ATG16L2: variants seen among roughly 807,000 people sequenced by gnomAD.
ATG16L2 encodes the protein autophagy related 16 like 2, also known as protein Atg16l2.
A neutral mutation model predicts 84.7 loss-of-function variants in ATG16L2; 77 were observed. That is an observed-to-expected ratio of 0.91 (90% CI 0.76 to 1.10). ATG16L2 has a LOEUF of 1.10. Among genes scored for constraint, ATG16L2 ranks in the 50% least tolerant of loss-of-function variants. The pLI is 0.00. For synonymous variants in ATG16L2, 361 were observed against 342.8 expected, an observed-to-expected ratio of 1.05 and a Z score of -0.59; for missense variants, 782 against 817.6, an observed-to-expected ratio of 0.96 and a Z score of 0.53.
intron 5 of ATG16L2, chr11:72,842,515 G>A (rs1438155967): frequency 2.9e-6 from 4 of 1,358,116 alleles, no homozygotes; most frequent in South Asian, 2.8e-5. Flanking sequence ...AAGGACCGGT[G>A]AGGGTAAGGC....
At position 72,825,408 on chromosome 11, in the gene ATG16L2, G is replaced by C. The variant is rs1274147685; in HGVS notation, c.1102+1G>C. ...ATCCACCTCTGGAATGTTGTGGGAAGTAAGGAGCCCTCCCCTGCCGGCCAA... is the reference window on the plus strand; with the variant it reads ...ATCCACCTCTGGAATGTTGTGGGAACTAAGGAGCCCTCCCCTGCCGGCCAA... On this transcript the variant is annotated splice_donor_variant, in intron 10 of 17. Coordinates refer to ENST00000321297, the MANE Select transcript of ATG16L2 (RefSeq NM_033388.2). LOFTEE classifies it high-confidence loss of function. 1.9e-6 allele frequency: 3 copies of C among 1,610,744 alleles called. No individual in the cohort carries two copies. The highest frequency in any genetic ancestry group is 1.3e-5 in the African/African-American group (1 of 74,922).
intron 5 of ATG16L2, chr11:72,841,539 C>A: frequency 6.2e-7 from 1 of 1,611,100 alleles, no homozygotes; most frequent in Non-Finnish European, 8.5e-7. Flanking sequence ...GGTCGTACAA[C>A]GGCAGTGGAG....
At chr11:72,826,297 T>TG in intron 11 of ATG16L2, 54 bp downstream of exon 11, 1 of 1,572,980 alleles carries the variant, frequency 6.4e-7, no homozygotes, top group Non-Finnish European at 8.7e-7. Flanking sequence ...ATCTCCACAC[T>TG]GGGCAGGTGG....
At chr11:72,829,025 C>A (rs1201387121) in intron 17 of ATG16L2, 41 bp downstream of exon 17, 1 of 1,584,044 alleles carries the variant, frequency 6.3e-7, no homozygotes, top group Non-Finnish European at 8.7e-7. Context: ...TGGCCCCAGT[C>A]CTGCCAGGCT....
chr11:72,826,380 C>G, intron 11 of ATG16L2, 137 bp downstream of exon 11: 2 of 1,426,320 alleles, frequency 1.4e-6, no homozygotes, highest in Non-Finnish European at 1.9e-6. Context: ...AGATCCTCCT[C>G]CTTGGGCCGG....
chr11:72,838,591 T>C (rs1860804054), intron 5 of ATG16L2: 2 of 590,464 alleles, frequency 3.4e-6, no homozygotes, highest in African/African-American at 1.9e-5. Context: ...AGAAATGACA[T>C]AGAAAATGAC....
In ATG16L2 at chr11:72,827,298, C is replaced by T; in HGVS notation, c.1472+5C>T. The stretch of plus-strand genomic sequence containing the variant: ...GATCCGGTTCTGGGACAGCAGGTGA[C>T]AGGCGCAGGCTGGGGGAGGACTTGG... On this transcript the variant is annotated splice_donor_5th_base_variant and intron_variant, in intron 14 of 17. Coordinates refer to ENST00000321297, the MANE Select transcript of ATG16L2 (RefSeq NM_033388.2). 1.9e-6 allele frequency: 3 copies of T among 1,610,866 alleles called. No individual in the cohort carries two copies. The highest frequency in any genetic ancestry group is 1.7e-6 in the Non-Finnish European group (2 of 1,177,086).
chr11:72,821,246 G>T, intron 3 of ATG16L2: 3 of 1,007,322 alleles, frequency 3.0e-6, no homozygotes, highest in Non-Finnish European at 3.6e-6. Context: ...TGGAAGGAGC[G>T]TGTAGCCTGC....
At position 72,828,455 on chromosome 11, in the gene ATG16L2, C is replaced by A; in HGVS notation, c.1569C>A (p.Asp523Glu). 6.2e-7 allele frequency: 1 copy of A among 1,614,220 alleles called. No individual in the cohort carries two copies. The highest frequency in any genetic ancestry group is 8.5e-7 in the Non-Finnish European group (1 of 1,180,046). ...DQLHLLSCSR[D>E]NTLKVIDLRV... ...TGCACCTGCTCAGCTGTTCCCGAGA[C>A]AACACACTCAAGGTCATCGACCTGC... is the stretch of plus-strand genomic sequence containing the variant. The change falls in exon 15 of 18, where the codon GAC becomes GAA. Residue 523 changes from aspartate to glutamate, a missense_variant. Asp to Glu is a conservative substitution (Grantham distance 45). Transcript: ENST00000321297.
At chr11:72,831,315 T>C (rs960512456), downstream of ATG16L2, among the ~76,000 whole-genome samples, 2 of 152,228 alleles carry the variant, frequency 1.3e-5, no homozygotes, top group Non-Finnish European at 2.9e-5. Context: ...AAGACCAACC[T>C]GAGCAACATA....
chr11:72,817,619 A>T, intron 2 of ATG16L2, 137 bp from the exon 3 acceptor site: 1 of 781,018 alleles, frequency 1.3e-6, no homozygotes, highest in Non-Finnish European at 2.2e-6. Context: ...CTTTTCCTTT[A>T]CTGGCTTGCT....
intron 5 of ATG16L2, chr11:72,841,305 TG>T: frequency 1.3e-6 from 1 of 762,632 alleles, no homozygotes; most frequent in Non-Finnish European, 1.9e-6. Flanking sequence ...AACTCCAGCC[TG>T]GGTGTCCAGC....
rs1241554598 is a variant in ATG16L2 at position 72,816,963 on chromosome 11, AGGTGGTGGG to A, written c.218+148_218+156del. 22 of 202,624 alleles carry A rather than the reference AGGTGGTGGG, an allele frequency of 1.1e-4. 2 individuals carry two copies. The highest frequency in any genetic ancestry group is 1.7e-4 in the Non-Finnish European group (16 of 96,270). The allele number at this position is 202,624 out of a possible 1,614,324, so 12.6% of individuals were successfully genotyped here. On this transcript the variant is annotated intron_variant, in intron 2 of 17. Transcript: ENST00000321297. ...TGCCCAGGGGTGGTGGGGGTGGTGG[AGGTGGTGGG>A]GGTGGTGGGGGAGGCAGGCCCTTGG...
chr11:72,827,648 A>G (rs1860441798), intron 14 of ATG16L2, among the ~76,000 whole-genome samples: 1 of 152,252 alleles, frequency 6.6e-6, no homozygotes, highest in Non-Finnish European at 1.5e-5. Context: ...TTGTAAAAGC[A>G]AAGCTAGAGG....
chr11:72,821,421 C>T (rs138528786), intron 3 of ATG16L2: 6 of 1,326,510 alleles, frequency 4.5e-6, no homozygotes, highest in Non-Finnish European at 5.8e-6. Context: ...CTAGTAGGGT[C>T]GCAGAGAAAC....
At chr11:72,839,155 G>T (rs1471761806) in intron 5 of ATG16L2, among the ~76,000 whole-genome samples, 1 of 152,178 alleles carries the variant, frequency 6.6e-6, no homozygotes, top group Non-Finnish European at 1.5e-5. Flanking sequence ...CCAAAGCAAA[G>T]GTCTGGCTGG....
At chr11:72,838,271 G>C (rs370575074) in intron 5 of ATG16L2, 1 of 153,866 alleles carries the variant, frequency 6.5e-6, no homozygotes, top group African/African-American at 2.4e-5. Flanking sequence ...CACTTTCTCA[G>C]TCTGGGGACT....
chr11:72,814,559 G>A lies in ATG16L2; in HGVS notation c.114G>A (p.Pro38=), dbSNP rs765007312. The change falls in exon 1 of 18, where the codon CCG becomes CCA. Residue 38 remains proline (P), a synonymous_variant. Coordinates refer to ENST00000321297, the MANE Select transcript of ATG16L2 (RefSeq NM_033388.2). ...TQKALFLELV[P]AYNHLLEKAE... ...AGGCGCTTTTCCTGGAGCTGGTGCC[G>A]GCCTGTGAGTGCGCCCCGGTGCTGA... 3 of 1,571,048 alleles carry A rather than the reference G, an allele frequency of 1.9e-6. No homozygotes were observed. Among genetic ancestry groups the A allele is most frequent in the Non-Finnish European group, 2.6e-6 (3 of 1,156,418 alleles).
In ATG16L2 at chr11:72,828,469, TCATCGACCTGC is replaced by T; in HGVS notation, c.1584_1594del (p.Ile529CysfsTer18). 1 of 1,614,164 alleles carries T rather than the reference TCATCGACCTGC, an allele frequency of 6.2e-7. No homozygotes were observed. Among genetic ancestry groups the T allele is most frequent in the Non-Finnish European group, 8.5e-7 (1 of 1,180,030 alleles). ...TGTTCCCGAGACAACACACTCAAGG[TCATCGACCTGC>T]GTGTCAGCAACATCCGCCAGGTGTT... On this transcript the variant is annotated frameshift_variant, in exon 15 of 18. Coordinates refer to ENST00000321297, the MANE Select transcript of ATG16L2 (RefSeq NM_033388.2). LOFTEE classifies it high-confidence loss of function.
Sources: allele counts gnomAD v4.1 joint callset (sites outside exome capture counted in the v4.1 genomes callset), GRCh38; gene constraint gnomAD v4.1.1; transcripts MANE v1.5; gene names NCBI Gene and HGNC (gene_info 2026-07-23, HGNC 2026-07-21).